The following PRSS21 variants were observed in gnomAD, a reference collection of about 807,000 sequenced individuals.
PRSS21 encodes serine protease 21, also known as testisin.
In PRSS21, 40 loss-of-function variants were observed where a neutral mutation model predicts 31.1. The ratio of observed to expected loss-of-function variants is 1.29; its 90% CI spans 1.00 to 1.68. PRSS21 has a LOEUF of 1.68. PRSS21 is among the 40% of genes most tolerant of loss of function. The probability of loss-of-function intolerance (pLI) is 0.00; values close to 1 mark genes in which losing one functional copy is unlikely to be tolerated. For missense variants in PRSS21, 467 were observed against 412.6 expected (o/e 1.13, Z -1.14); for synonymous variants, 186 against 167.7 (o/e 1.11, Z -0.84).
intron 4 of PRSS21, among the ~76,000 whole-genome samples, chr16:2,820,215 G>A (rs1199418469): frequency 6.6e-6 from 1 of 152,196 alleles, no homozygotes; most frequent in African/African-American, 2.4e-5. Flanking sequence ...CTGTGAAATA[G>A]GGGAATGATG....
chr16:2,817,534 G>A lies in PRSS21; in HGVS notation c.91+78G>A, dbSNP rs2069096806. The A allele has an allele frequency of 7.3e-6, 10 of 1,368,360 alleles. No homozygotes were observed. Among genetic ancestry groups the A allele is most frequent in the Middle Eastern group, 2.6e-4 (1 of 3,856 alleles). The allele number at this position is 1,368,360 out of a possible 1,614,324, so 84.8% of individuals were successfully genotyped here. A position where few individuals can be genotyped will look rare whatever the true frequency, so the allele number is the denominator to read the frequency against. On this transcript the variant is annotated intron_variant, in intron 2 of 5. Transcript: ENST00000005995. The surrounding 1 kb of genome is among the most constrained non-coding windows in gnomAD (Gnocchi z 4.2). ...CGGGGGGCGGTGAGGGGGTAGAGGG[G>A]GGCCTTTACTGCTCTCTCGCCCCCG...
rs890624626 is a variant in PRSS21, at chr16:2,817,592, A to G, written c.91+136A>G. 2.0e-5 allele frequency: 27 copies of G among 1,376,504 alleles called. No homozygotes were observed. In the East Asian group the frequency reaches 6.3e-4, roughly 32 times the overall value. 85.3% of individuals were successfully genotyped at this position (1,376,504 alleles called of 1,614,324 possible). A position where few individuals can be genotyped will look rare whatever the true frequency, so the allele number is the denominator to read the frequency against. ...GATCGAGAACTCTGTTGGCGTGGAA[A>G]GTAACTAACGGACGCTGGAGGGGGA... On this transcript the variant is annotated intron_variant, in intron 2 of 5. Transcript: ENST00000005995. The surrounding 1 kb of genome is among the most constrained non-coding windows in gnomAD (Gnocchi z 4.2).
In PRSS21 at chr16:2,818,703, G is replaced by A; in HGVS notation, c.284G>A (p.Gly95Glu). ...TATAGTGACCTTAGTGATCCCTCCGGGTGGATGGTCCAGTTTGGCCAGCTG... is the reference window on the plus strand; with the variant it reads ...TATAGTGACCTTAGTGATCCCTCCGAGTGGATGGTCCAGTTTGGCCAGCTG... Reference protein sequence around the residue: ...ETYSDLSDPSGWMVQFGQLTS... With the variant: ...ETYSDLSDPSEWMVQFGQLTS... The change falls in exon 4 of 6, where the codon GGG becomes GAG. Residue 95 changes from glycine (G) to glutamate (E), a missense_variant. By Grantham distance (98) the Gly-to-Glu change is moderately conservative. Transcript: ENST00000005995. 1.2e-6 allele frequency: 2 copies of A among 1,614,174 alleles called. No homozygotes were observed. The highest frequency in any genetic ancestry group is 1.7e-6 in the Non-Finnish European group (2 of 1,180,024).
chr16:2,821,235 C>T lies in PRSS21; in HGVS notation c.705+126C>T, dbSNP rs1156387938. On this transcript the variant is annotated intron_variant, in intron 5 of 5. Coordinates refer to ENST00000005995, the MANE Select transcript of PRSS21 (RefSeq NM_006799.4). ...CACTCTGCAGATGCAGAAACGGAGG[C>T]TTGGCTGCTGCCAGGGGGAGGAGGA... 1.2e-5 allele frequency: 18 copies of T among 1,536,704 alleles called. No individual in the cohort carries two copies. In the East Asian group the frequency reaches 3.6e-4, roughly 31 times the overall value.
Position 2,818,978 on chromosome 16 carries a change from G to A in PRSS21, c.550+9G>A. On this transcript the variant is annotated intron_variant, in intron 4 of 5. Transcript: ENST00000005995. Reference sequence around the variant, plus strand: ...CATCAAAGAGGATGAGGGTGAGGCTGGGGACAGGCGGGTCAGGGAGGAACT... The same window carrying A: ...CATCAAAGAGGATGAGGGTGAGGCTAGGGACAGGCGGGTCAGGGAGGAACT... 6.2e-7 allele frequency: 1 copy of A among 1,612,512 alleles called. No homozygotes were observed. Among genetic ancestry groups the A allele is most frequent in the Non-Finnish European group, 8.5e-7 (1 of 1,178,806 alleles).
In PRSS21 at chr16:2,817,512, G is replaced by T; in HGVS notation, c.91+56G>T. 7.3e-7 allele frequency: 1 copy of T among 1,364,380 alleles called. No individual in the cohort carries two copies. The highest frequency in any genetic ancestry group is 9.8e-7 in the Non-Finnish European group (1 of 1,019,466). 84.5% of individuals were successfully genotyped at this position (1,364,380 alleles called of 1,614,324 possible). ...AGGGCCGTTGGGCCGAGGTGGACGG[G>T]GGGCGGTGAGGGGGTAGAGGGGGGC... On this transcript the variant is annotated intron_variant, in intron 2 of 5. Transcript: ENST00000005995. The surrounding 1 kb of genome is among the most constrained non-coding windows in gnomAD (Gnocchi z 4.2).
In PRSS21 at chr16:2,817,558, C is replaced by G; in HGVS notation, c.91+102C>G. The G allele has an allele frequency of 7.0e-7, 1 of 1,434,984 alleles. No individual in the cohort carries two copies. The highest frequency in any genetic ancestry group is 9.2e-7 in the Non-Finnish European group (1 of 1,083,282). 88.9% of individuals were successfully genotyped at this position (1,434,984 alleles called of 1,614,324 possible). ...GGGGCCTTTACTGCTCTCTCGCCCC[C>G]GCCCCCGGGATCGAGAACTCTGTTG... On this transcript the variant is annotated intron_variant, in intron 2 of 5. Transcript: ENST00000005995. The surrounding 1 kb of genome is among the most constrained non-coding windows in gnomAD (Gnocchi z 4.2).
intron 4 of PRSS21, among the ~76,000 whole-genome samples, chr16:2,820,348 G>GTGC (rs2069149926): frequency 6.6e-6 from 1 of 152,228 alleles, no homozygotes; most frequent in African/African-American, 2.4e-5. Flanking sequence ...GCAGGACAAG[G>GTGC]TGCTGGCTGG....
In PRSS21 at chr16:2,818,078, C is replaced by T. The variant is rs898363372; in HGVS notation, c.257+112C>T. 10 of 1,325,786 alleles carry T rather than the reference C, an allele frequency of 7.5e-6. No homozygotes were observed. The African/African-American group carries it at 8.7e-5, about 12-fold the overall frequency. The allele number at this position is 1,325,786 out of a possible 1,614,324, so 82.1% of individuals were successfully genotyped here. The stretch of plus-strand genomic sequence containing the variant: ...GCCAGACTTGGGCGTGAAAGTTGTG[C>T]GTGGATGCGGCCTGGTGTTCTCCTG... On this transcript the variant is annotated intron_variant, in intron 3 of 5. Transcript: ENST00000005995.
chr16:2,818,535 G>T, intron 3 of PRSS21, 142 bp from the exon 4 acceptor site: 1 of 811,268 alleles, frequency 1.2e-6, no homozygotes. Context: ...GTCTGTCTGG[G>T]CTCCTTCATT....
rs1567272806 is a variant in PRSS21, at chr16:2,817,529, G to GC, written c.91+73_91+74insC. The GC allele has an allele frequency of 2.9e-5, 31 of 1,066,644 alleles. No homozygotes were observed. The highest frequency in any genetic ancestry group is 3.8e-5 in the Non-Finnish European group (29 of 758,822). 66.1% of individuals were successfully genotyped at this position (1,066,644 alleles called of 1,614,324 possible). A position where few individuals can be genotyped will look rare whatever the true frequency, so the allele number is the denominator to read the frequency against. On this transcript the variant is annotated intron_variant, in intron 2 of 5. Transcript: ENST00000005995. This position sits in a 1 kb window ranked among gnomAD's most constrained non-coding sequence, Gnocchi z 4.2. ...GTGGACGGGGGGCGGTGAGGGGGTA[G>GC]AGGGGGGCCTTTACTGCTCTCTCGC...
In PRSS21 at chr16:2,817,860, G is replaced by C; in HGVS notation, c.151G>C (p.Gly51Arg). ...CGTGGGTGGAGAGGACGCCGAACTC[G>C]GGCGTTGGCCGTGGCAGGGGAGCCT... ...RIVGGEDAELGRWPWQGSLRL... is the reference protein window; with the variant it reads ...RIVGGEDAELRRWPWQGSLRL... The change falls in exon 3 of 6, where the codon GGG (glycine) becomes CGG (arginine). Residue 51 changes from glycine (G) to arginine (R), a missense_variant. Transcript: ENST00000005995. This position sits in a 1 kb window ranked among gnomAD's most constrained non-coding sequence, Gnocchi z 4.2. 1.3e-6 allele frequency: 2 copies of C among 1,550,538 alleles called. No homozygotes were observed. The highest frequency in any genetic ancestry group is 1.4e-5 in the African/African-American group (1 of 73,230).
In PRSS21 at chr16:2,817,678, C is replaced by T. The variant is rs2069099460; in HGVS notation, c.92-123C>T. 1 of 1,353,260 alleles carries T rather than the reference C, an allele frequency of 7.4e-7. No individual in the cohort carries two copies. The highest frequency in any genetic ancestry group is 1.0e-6 in the Non-Finnish European group (1 of 1,000,638). The allele number at this position is 1,353,260 out of a possible 1,614,324, so 83.8% of individuals were successfully genotyped here. On this transcript the variant is annotated intron_variant, in intron 2 of 5. Coordinates refer to ENST00000005995, the MANE Select transcript of PRSS21 (RefSeq NM_006799.4). This position sits in a 1 kb window ranked among gnomAD's most constrained non-coding sequence, Gnocchi z 4.2. ...AGTGTCACCTACTTCCTGCTGCACA[C>T]ACGCGAGGGGACCCTGGGTGGGCAA...
At position 2,817,948 on chromosome 16, in the gene PRSS21, C is replaced by CACCGCTG. The variant is rs1567273408; in HGVS notation, c.239_240insACCGCTG (p.Ala81ProfsTer7). On this transcript the variant is annotated frameshift_variant, in exon 3 of 6. Transcript: ENST00000005995. LOFTEE classifies it high-confidence loss of function. This position sits in a 1 kb window ranked among gnomAD's most constrained non-coding sequence, Gnocchi z 4.2. Reference sequence around the variant, plus strand: ...CTCAGCCACCGCTGGGCACTCACGGCGGCGCACTGCTTTGAAACGTGAGTG... The same window carrying CACCGCTG: ...CTCAGCCACCGCTGGGCACTCACGGCACCGCTGGGCGCACTGCTTTGAAACGTGAGTG... 6.5e-7 allele frequency: 1 copy of CACCGCTG among 1,548,888 alleles called. No individual in the cohort carries two copies. The highest frequency in any genetic ancestry group is 2.0e-5 in the Admixed American group (1 of 50,996).
At chr16:2,820,835 G>A in intron 4 of PRSS21, 120 bp from the exon 5 acceptor site, 1 of 1,032,550 alleles carries the variant, frequency 9.7e-7, no homozygotes, top group Non-Finnish European at 1.4e-6. Flanking sequence ...TGGGGGTAAT[G>A]GAGATGAACC....
intron 4 of PRSS21, among the ~76,000 whole-genome samples, chr16:2,820,731 A>G (rs980614149): frequency 6.6e-6 from 1 of 152,164 alleles, no homozygotes; most frequent in African/African-American, 2.4e-5. Flanking sequence ...AGATAGGGAA[A>G]GTGCGGCTGG....
At position 2,821,091 on chromosome 16, in the gene PRSS21, C is replaced by G; in HGVS notation, c.687C>G (p.Gly229=). Residue 229 remains glycine, a synonymous_variant, in exon 5 of 6, where the codon GGC becomes GGG. Coordinates refer to ENST00000005995, the MANE Select transcript of PRSS21 (RefSeq NM_006799.4). Reference sequence around the variant, plus strand: ...TGGTTTGTGCTGGCAATGCCCAAGGCGGGAAGGATGCCTGCTTCGTGAGTG... The same window carrying G: ...TGGTTTGTGCTGGCAATGCCCAAGGGGGGAAGGATGCCTGCTTCGTGAGTG... ...GDMVCAGNAQ[G]GKDACFGDSG... is the part of the protein sequence containing the mutation. 1 of 1,614,066 alleles carries G rather than the reference C, an allele frequency of 6.2e-7. No homozygotes were observed. Among genetic ancestry groups the G allele is most frequent in the Non-Finnish European group, 8.5e-7 (1 of 1,180,008 alleles).
rs201937955 is a variant in PRSS21, at chr16:2,821,636, C to G, written c.*31C>G. 142 of 1,597,226 alleles carry G rather than the reference C, an allele frequency of 8.9e-5. No individual in the cohort carries two copies. The African/African-American group carries it at 1.8e-3, about 20-fold the overall frequency. On this transcript the variant is annotated 3_prime_UTR_variant, in exon 6 of 6. Coordinates refer to ENST00000005995, the MANE Select transcript of PRSS21 (RefSeq NM_006799.4). Reference sequence around the variant, plus strand: ...CCTGAGCCCATGCAGCCTGGGGCCACTGCCAAGTCAGGCCCTGGTTCTCTT... The same window carrying G: ...CCTGAGCCCATGCAGCCTGGGGCCAGTGCCAAGTCAGGCCCTGGTTCTCTT...
intron 4 of PRSS21, among the ~76,000 whole-genome samples, chr16:2,819,975 G>A (rs1167247320): frequency 2.6e-5 from 4 of 152,166 alleles, no homozygotes; most frequent in East Asian, 1.9e-4. Context: ...CTGCAAACAC[G>A]AGTGGATATG....
Sources: allele counts gnomAD v4.1 joint callset (sites outside exome capture counted in the v4.1 genomes callset), GRCh38; gene constraint gnomAD v4.1.1; non-coding constraint Gnocchi (gnomAD v3.1); transcripts MANE v1.5; gene names NCBI Gene and HGNC (gene_info 2026-07-23, HGNC 2026-07-21).